Variants in ADAMTSL1 observed in about 807,000 individuals in gnomAD.
ADAMTSL1 encodes the protein ADAMTS like 1, also known as ADAMTS-like protein 1.
In ADAMTSL1, 126 loss-of-function variants were observed where a neutral mutation model predicts 201.8. The ratio of observed to expected loss-of-function variants is 0.62; its 90% CI spans 0.54 to 0.72. The LOEUF is 0.72. Ranked by LOEUF, ADAMTSL1 falls within the 30% of genes least tolerant of loss-of-function variation. The pLI is 0.00. For synonymous variants in ADAMTSL1, 1,121 were observed against 903.4 expected, an observed-to-expected ratio of 1.24 and a Z score of -4.32; for missense variants, 2,679 against 2,277.8, an observed-to-expected ratio of 1.18 and a Z score of -3.59.
intron 16 of ADAMTSL1, among the ~76,000 whole-genome samples, chr9:18,765,199 G>T (rs887621725): frequency 6.6e-6 from 1 of 151,964 alleles, no homozygotes; most frequent in Non-Finnish European, 1.5e-5. Context: ...AAAATATTTA[G>T]AAAAAAGAAA....
intron 1 of ADAMTSL1, among the ~76,000 whole-genome samples, chr9:18,497,226 A>G (rs985221670): frequency 1.3e-5 from 2 of 152,222 alleles, no homozygotes; most frequent in Admixed American, 6.5e-5. Context: ...AAATATCCCT[A>G]TAGTCCAGGG....
intron 1 of ADAMTSL1, among the ~76,000 whole-genome samples, chr9:18,147,106 C>T (rs1291099793): frequency 6.6e-6 from 1 of 151,982 alleles, no homozygotes; most frequent in Non-Finnish European, 1.5e-5. Flanking sequence ...AACACAGTCC[C>T]GTATTCAAAT....
chr9:17,951,627 C>CTTTTTTTTTTTTTTTTTTTTTTTT (rs60569100), intron 1 of ADAMTSL1, among the ~76,000 whole-genome samples: 1 of 143,838 alleles, frequency 7.0e-6, no homozygotes. Flanking sequence ...AACCATTACT[C>CTTTTTTTTTTTTTTTTTTTTTTTT]TTTTTTTTTT....
chr9:18,594,264 T>G (rs1325262995), intron 4 of ADAMTSL1, among the ~76,000 whole-genome samples: 2 of 152,178 alleles, frequency 1.3e-5, no homozygotes, highest in Admixed American at 1.3e-4. Context: ...GTTATTTACT[T>G]CTTTTCTCTT....
chr9:18,721,479 A>AC, intron 14 of ADAMTSL1, 57 bp from the exon 15 acceptor site: 5 of 1,590,786 alleles, frequency 3.1e-6, no homozygotes, highest in Non-Finnish European at 4.3e-6. Context: ...ACACTTCATC[A>AC]CCCCCCACAC....
chr9:18,345,654 C>CAA, intron 2 of ADAMTSL1, among the ~76,000 whole-genome samples: 1 of 151,998 alleles, frequency 6.6e-6, no homozygotes, highest in Non-Finnish European at 1.5e-5. Flanking sequence ...TATTTTGTGG[C>CAA]AAAGTTATCT....
At chr9:18,404,517 C>G (rs1041162377) in intron 2 of ADAMTSL1, among the ~76,000 whole-genome samples, 1 of 152,212 alleles carries the variant, frequency 6.6e-6, no homozygotes, top group Non-Finnish European at 1.5e-5. Flanking sequence ...TGAGGTGGTG[C>G]CCTGTAATCT....
intron 23 of ADAMTSL1, among the ~76,000 whole-genome samples, chr9:18,884,557 A>T (rs1475426655): frequency 2.0e-5 from 3 of 152,102 alleles, no homozygotes; most frequent in African/African-American, 7.2e-5. Context: ...TCTTAGGTTT[A>T]GGTCTTTCAT....
intron 17 of ADAMTSL1, among the ~76,000 whole-genome samples, chr9:18,775,371 C>T (rs1820915134): frequency 1.3e-5 from 2 of 152,184 alleles, no homozygotes; most frequent in Admixed American, 1.3e-4. Flanking sequence ...AATATATTAT[C>T]TCACTTAATT....
chr9:18,420,626 G>T (rs1407694196), intron 2 of ADAMTSL1, among the ~76,000 whole-genome samples: 1 of 152,090 alleles, frequency 6.6e-6, no homozygotes, highest in Non-Finnish European at 1.5e-5. Flanking sequence ...TATTCTTTCA[G>T]TGCTATTGCT....
intron 1 of ADAMTSL1, among the ~76,000 whole-genome samples, chr9:18,120,677 A>T (rs886071217): frequency 5.9e-5 from 9 of 152,224 alleles, no homozygotes; most frequent in Non-Finnish European, 1.3e-4. Flanking sequence ...CATATAAGAA[A>T]TGCAGAAATT....
rs116826699 is a variant in ADAMTSL1, at chr9:17,965,430, A to T, written c.87+58508A>T. On this transcript the variant is annotated intron_variant, in intron 1 of 29. Coordinates refer to the ADAMTSL1 transcript ENST00000680146. ...TATTGATTTCATTCATTAAATACTGAATTTCTGGCATTGTGGAATAAAAAG... is the reference window on the plus strand; with the variant it reads ...TATTGATTTCATTCATTAAATACTGTATTTCTGGCATTGTGGAATAAAAAG... Among the ~76,000 whole-genome samples, 1,193 of 152,258 alleles carry T rather than the reference A, an allele frequency of 7.8e-3. 16 individuals carry two copies. Among genetic ancestry groups the T allele is most frequent in the African/African-American group, 0.027 (1,105 of 41,558 alleles).
intron 13 of ADAMTSL1, among the ~76,000 whole-genome samples, chr9:18,696,303 C>G (rs1040641674): frequency 1.3e-5 from 2 of 152,152 alleles, no homozygotes. Flanking sequence ...AGGGTGCAAC[C>G]CGCCCATGCC....
intron 23 of ADAMTSL1, among the ~76,000 whole-genome samples, chr9:18,871,285 A>G (rs1050018353): frequency 1.3e-5 from 2 of 152,196 alleles, no homozygotes; most frequent in Admixed American, 1.3e-4. Flanking sequence ...AATTCTTATT[A>G]GCCACTTATT....
At chr9:18,778,139 C>T (rs1180855368) in intron 19 of ADAMTSL1, among the ~76,000 whole-genome samples, 1 of 152,248 alleles carries the variant, frequency 6.6e-6, no homozygotes, top group African/African-American at 2.4e-5. Flanking sequence ...GAAATAGCAA[C>T]ATTGCCTACC....
chr9:18,725,000 G>A (rs575038353), intron 15 of ADAMTSL1, among the ~76,000 whole-genome samples: 13 of 151,710 alleles, frequency 8.6e-5, no homozygotes, highest in South Asian at 4.2e-4. Flanking sequence ...TCCGCCTCCC[G>A]GGTTTACACC....
At chr9:18,561,430 G>A (rs888457966) in intron 3 of ADAMTSL1, among the ~76,000 whole-genome samples, 1 of 152,132 alleles carries the variant, frequency 6.6e-6, no homozygotes, top group Non-Finnish European at 1.5e-5. Context: ...CATTTGCTGA[G>A]GAGTGTTTTA....
chr9:18,873,318 T>G (rs553395109), intron 23 of ADAMTSL1, among the ~76,000 whole-genome samples: 6 of 152,168 alleles, frequency 3.9e-5, no homozygotes, highest in Non-Finnish European at 8.8e-5. Context: ...TTCCATCTAT[T>G]TATTTTTGTT....
chr9:17,963,251 A>G lies in ADAMTSL1; in HGVS notation c.87+56329A>G, dbSNP rs182441954. ...TCTTAGCTATCCCTGAATAAATTCTATAGTTAATGTTTTGCTATGTTTGCT... is the reference window on the plus strand; with the variant it reads ...TCTTAGCTATCCCTGAATAAATTCTGTAGTTAATGTTTTGCTATGTTTGCT... On this transcript the variant is annotated intron_variant, in intron 1 of 29. Coordinates refer to the ADAMTSL1 transcript ENST00000680146. Among the ~76,000 whole-genome samples, 18 of 152,292 alleles carry G rather than the reference A, an allele frequency of 1.2e-4. No individual in the cohort carries two copies. In the East Asian group the frequency reaches 2.5e-3, roughly 21 times the overall value.
Sources: allele counts gnomAD v4.1 joint callset (sites outside exome capture counted in the v4.1 genomes callset), GRCh38; gene constraint gnomAD v4.1.1; transcripts MANE v1.5; gene names NCBI Gene and HGNC (gene_info 2026-07-23, HGNC 2026-07-21).